KCNIP4: variants seen among roughly 807,000 people sequenced by gnomAD.
KCNIP4 encodes potassium voltage-gated channel interacting protein 4.
In KCNIP4, 12 loss-of-function variants were observed where a neutral mutation model predicts 34.0. That is an observed-to-expected ratio of 0.35 (90% confidence interval 0.23 to 0.57). KCNIP4 has a LOEUF of 0.57. Among genes scored for constraint, KCNIP4 ranks in the 20% least tolerant of loss-of-function variants. The pLI, the probability that KCNIP4 is intolerant of heterozygous loss-of-function variation, is 0.83. For missense variants in KCNIP4, 238 were observed against 311.7 expected (o/e 0.76, Z 1.78); for synonymous variants, 124 against 102.2 (o/e 1.21, Z -1.29).
chr4:21,616,162 G>A (rs1293828479), intron 1 of KCNIP4, among the ~76,000 whole-genome samples: 1 of 152,110 alleles, frequency 6.6e-6, no homozygotes, highest in Non-Finnish European at 1.5e-5. Flanking sequence ...TCATGCTCCA[G>A]CCTTAAAGCT....
At chr4:20,944,657 C>G (rs1444844675) in intron 1 of KCNIP4, among the ~76,000 whole-genome samples, 1 of 152,166 alleles carries the variant, frequency 6.6e-6, no homozygotes, top group Non-Finnish European at 1.5e-5. Flanking sequence ...GGCAGCTTGC[C>G]CGAGGCTTTG....
chr4:20,939,647 C>A (rs915063556), intron 1 of KCNIP4, among the ~76,000 whole-genome samples: 29 of 152,104 alleles, frequency 1.9e-4, no homozygotes, highest in African/African-American at 7.0e-4. Context: ...GCTGGGATTA[C>A]AGGTATGAGC....
chr4:21,537,788 C>T lies in KCNIP4; in HGVS notation c.61+410783G>A, dbSNP rs138635399. Among the ~76,000 whole-genome samples the T allele has an allele frequency of 1.6e-3, 241 of 151,892 alleles. 1 individual carries two copies. Among genetic ancestry groups the T allele is most frequent in the African/African-American group, 3.3e-3 (135 of 41,438 alleles). The stretch of plus-strand genomic sequence containing the variant: ...CTGAACTTTGGGAGGCCAAGGCGGC[C>T]GGATCACGAGGTCAGGAGATCGAGA... On this transcript the variant is annotated intron_variant, in intron 1 of 8. Coordinates refer to ENST00000382152, the MANE Select transcript of KCNIP4 (RefSeq NM_025221.6).
At chr4:21,083,416 G>A (rs747597412) in intron 1 of KCNIP4, among the ~76,000 whole-genome samples, 1 of 151,768 alleles carries the variant, frequency 6.6e-6, no homozygotes, top group Non-Finnish European at 1.5e-5. Context: ...TTGCACACCT[G>A]ATGAAATTAA....
chr4:20,778,574 C>G (rs978440281), intron 3 of KCNIP4, among the ~76,000 whole-genome samples: 9 of 152,158 alleles, frequency 5.9e-5, no homozygotes, highest in African/African-American at 2.2e-4. Flanking sequence ...CAAGATGATA[C>G]TACTGGGGGA....
chr4:21,123,993 G>A (rs1750389830), intron 1 of KCNIP4, among the ~76,000 whole-genome samples: 1 of 150,904 alleles, frequency 6.6e-6, no homozygotes, highest in Admixed American at 6.6e-5. Flanking sequence ...TTTTGTTACA[G>A]TAGCCCAAGC....
chr4:21,501,248 TCACA>T (rs34406802), intron 1 of KCNIP4, among the ~76,000 whole-genome samples: 20 of 104,192 alleles, frequency 1.9e-4, no homozygotes, highest in Admixed American at 5.4e-4. Context: ...TCTCTCTCTC[TCACA>T]CACACACACA....
intron 1 of KCNIP4, among the ~76,000 whole-genome samples, chr4:21,482,001 G>A (rs1246596523): frequency 2.0e-5 from 3 of 151,904 alleles, no homozygotes. Flanking sequence ...CTCCTGTATT[G>A]GGTGCATATA....
chr4:20,808,002 G>A (rs889180402), intron 3 of KCNIP4, among the ~76,000 whole-genome samples: 1 of 152,156 alleles, frequency 6.6e-6, no homozygotes, highest in African/African-American at 2.4e-5. Context: ...GGCAGTTTTA[G>A]AGAACTTGAG....
At chr4:21,351,269 C>T (rs946712823) in intron 1 of KCNIP4, among the ~76,000 whole-genome samples, 2 of 152,110 alleles carry the variant, frequency 1.3e-5, no homozygotes, top group South Asian at 4.2e-4. Flanking sequence ...TGTAATAATC[C>T]CCACATGTCG....
intron 1 of KCNIP4, among the ~76,000 whole-genome samples, chr4:21,746,782 A>G (rs1422469097): frequency 6.6e-6 from 1 of 152,142 alleles, no homozygotes; most frequent in Non-Finnish European, 1.5e-5. Flanking sequence ...GGTGTGAGTA[A>G]TAACTATCAA....
intron 1 of KCNIP4, among the ~76,000 whole-genome samples, chr4:21,906,359 C>A (rs1728001232): frequency 6.6e-6 from 1 of 152,142 alleles, no homozygotes; most frequent in South Asian, 2.1e-4. Flanking sequence ...AGATTAGACA[C>A]ACTCAGAGGA....
chr4:20,966,573 G>A (rs549830155), intron 1 of KCNIP4, among the ~76,000 whole-genome samples: 2 of 152,234 alleles, frequency 1.3e-5, no homozygotes, highest in African/African-American at 4.8e-5. Context: ...TCATAATGTA[G>A]TCAAGTTACT....
At chr4:20,967,608 G>T (rs1577453747) in intron 1 of KCNIP4, among the ~76,000 whole-genome samples, 1 of 152,108 alleles carries the variant, frequency 6.6e-6, no homozygotes, top group Non-Finnish European at 1.5e-5. Context: ...CAGAGCAGAG[G>T]CCTCAGAAAT....
At chr4:21,370,856 C>T (rs1256681130) in intron 1 of KCNIP4, among the ~76,000 whole-genome samples, 603 of 34,262 alleles carry the variant, frequency 0.018, 13 homozygotes, top group Non-Finnish European at 0.028. Flanking sequence ...TATATACACA[C>T]ACACACACAC....
chr4:21,815,225 C>A (rs971307749), intron 1 of KCNIP4, among the ~76,000 whole-genome samples: 1 of 152,098 alleles, frequency 6.6e-6, no homozygotes, highest in Non-Finnish European at 1.5e-5. Flanking sequence ...TCTGTATGTA[C>A]CCCAACCTCA....
chr4:20,814,716 A>G (rs1048921554), intron 3 of KCNIP4, among the ~76,000 whole-genome samples: 4 of 152,190 alleles, frequency 2.6e-5, no homozygotes, highest in Admixed American at 2.6e-4. Flanking sequence ...AGATTGGCCA[A>G]TAAGCTTTGC....
chr4:21,267,874 A>G (rs1044512020), intron 1 of KCNIP4, among the ~76,000 whole-genome samples: 18 of 151,100 alleles, frequency 1.2e-4, no homozygotes, highest in African/African-American at 4.4e-4. Context: ...AAAATGAGTT[A>G]GGGAGGATTC....
chr4:21,861,683 C>A (rs565537886), intron 1 of KCNIP4, among the ~76,000 whole-genome samples: 89 of 149,536 alleles, frequency 6.0e-4, no homozygotes, highest in African/African-American at 1.8e-3. Context: ...AAAATCCCAG[C>A]ATCTACTTTC....
Sources: allele counts gnomAD v4.1 joint callset (sites outside exome capture counted in the v4.1 genomes callset), GRCh38; gene constraint gnomAD v4.1.1; transcripts MANE v1.5; gene names NCBI Gene and HGNC (gene_info 2026-07-23, HGNC 2026-07-21).